The following ADGRL3 variants were observed in gnomAD, a reference collection of about 807,000 sequenced individuals.
ADGRL3 encodes the protein calcium-independent alpha-latrotoxin receptor 3.
ADGRL3 carries 62 observed loss-of-function variants against 153.5 expected under a neutral mutation model. The observed-to-expected ratio is 0.40, with a 90% confidence interval of 0.33 to 0.50. The LOEUF is 0.50. Ranked by LOEUF, ADGRL3 falls within the 20% of genes least tolerant of loss-of-function variation. The pLI is 0.47. For missense variants in ADGRL3, 1,641 were observed against 1,859.4 expected, an observed-to-expected ratio of 0.88 and a Z score of 2.16; for synonymous variants, 710 against 672.5, an observed-to-expected ratio of 1.06 and a Z score of -0.86.
intron 1 of ADGRL3, among the ~76,000 whole-genome samples, chr4:61,291,815 CGAA>C (rs1376037506): frequency 2.0e-5 from 3 of 146,592 alleles, no homozygotes; most frequent in African/African-American, 7.7e-5. Context: ...GTTCTATATG[CGAA>C]GAAGAGTGTA....
chr4:61,829,182 G>A (rs982197913), intron 9 of ADGRL3, among the ~76,000 whole-genome samples: 5 of 152,128 alleles, frequency 3.3e-5, no homozygotes, highest in Admixed American at 1.3e-4. Flanking sequence ...AGCAGTGTGC[G>A]AACACCTTCC....
intron 11 of ADGRL3, among the ~76,000 whole-genome samples, chr4:61,908,835 A>G (rs1022190787): frequency 4.6e-5 from 7 of 152,106 alleles, no homozygotes; most frequent in African/African-American, 1.7e-4. Flanking sequence ...ACCAATTAAT[A>G]TATATTCCTA....
chr4:61,533,764 T>C (rs2098637825), intron 4 of ADGRL3, among the ~76,000 whole-genome samples: 1 of 152,190 alleles, frequency 6.6e-6, no homozygotes, highest in Admixed American at 6.5e-5. Context: ...GTTCTCCTAA[T>C]AAATAACTTA....
At chr4:61,401,361 C>T (rs2096928247) in intron 2 of ADGRL3, among the ~76,000 whole-genome samples, 1 of 151,846 alleles carries the variant, frequency 6.6e-6, no homozygotes, top group African/African-American at 2.4e-5. Flanking sequence ...TTGAAGAACA[C>T]ATTTAGCCCA....
At chr4:62,045,965 C>A (rs10222831) in intron 25 of ADGRL3, among the ~76,000 whole-genome samples, 3,989 of 151,852 alleles carry the variant, frequency 0.026, 185 homozygotes, top group African/African-American at 0.093. Context: ...GTGAAAATTT[C>A]TTTTAATATG....
chr4:61,776,411 T>G (rs1402210317), intron 8 of ADGRL3, among the ~76,000 whole-genome samples: 1 of 152,186 alleles, frequency 6.6e-6, no homozygotes, highest in Non-Finnish European at 1.5e-5. Flanking sequence ...TTATAAAAGT[T>G]TTAAATTTCA....
At chr4:61,347,008 C>T (rs1198395316) in intron 1 of ADGRL3, among the ~76,000 whole-genome samples, 2 of 151,934 alleles carry the variant, frequency 1.3e-5, no homozygotes, top group African/African-American at 2.4e-5. Context: ...GATACCTTTG[C>T]TTAGATGTTA....
At chr4:61,960,742 ACT>A (rs1303477218) in intron 17 of ADGRL3, among the ~76,000 whole-genome samples, 1 of 151,880 alleles carries the variant, frequency 6.6e-6, no homozygotes, top group Non-Finnish European at 1.5e-5. Context: ...ACAGAGTCTG[ACT>A]CTGTCGCCCA....
intron 5 of ADGRL3, among the ~76,000 whole-genome samples, chr4:61,648,716 G>T (rs1334447479): frequency 6.6e-6 from 1 of 151,982 alleles, no homozygotes; most frequent in Non-Finnish European, 1.5e-5. Context: ...AGAAAAATGA[G>T]AGAACTGGCA....
At chr4:61,263,767 T>C (rs938522922) in intron 1 of ADGRL3, among the ~76,000 whole-genome samples, 4 of 152,000 alleles carry the variant, frequency 2.6e-5, no homozygotes, top group Non-Finnish European at 4.4e-5. Context: ...CAGGGAGATA[T>C]AAGTATTGAA....
chr4:61,444,563 A>T (rs1029724413), intron 2 of ADGRL3, among the ~76,000 whole-genome samples: 5 of 151,418 alleles, frequency 3.3e-5, no homozygotes. Flanking sequence ...TCATCCACTT[A>T]AAAAAAAATT....
intron 13 of ADGRL3, among the ~76,000 whole-genome samples, chr4:61,914,537 A>G (rs188563129): frequency 1.3e-5 from 2 of 152,100 alleles, no homozygotes; most frequent in African/African-American, 4.8e-5. Context: ...ATGGTAATAC[A>G]TGGGAGGGGG....
intron 9 of ADGRL3, among the ~76,000 whole-genome samples, chr4:61,851,314 C>A (rs577430695): frequency 6.6e-6 from 1 of 152,160 alleles, no homozygotes; most frequent in East Asian, 1.9e-4. Context: ...TGGCCGGGAG[C>A]AGTGACTCAC....
At chr4:61,246,529 A>T (rs1166069676) in intron 1 of ADGRL3, among the ~76,000 whole-genome samples, 1 of 152,030 alleles carries the variant, frequency 6.6e-6, no homozygotes, top group South Asian at 2.1e-4. Flanking sequence ...TTAAATTTAG[A>T]TGTGTTATTT....
At chr4:61,288,496 A>G (rs937796605) in intron 1 of ADGRL3, among the ~76,000 whole-genome samples, 15 of 151,956 alleles carry the variant, frequency 9.9e-5, no homozygotes, top group Admixed American at 9.9e-4. Flanking sequence ...TCTTGACGTA[A>G]CAACACTCAA....
intron 2 of ADGRL3, among the ~76,000 whole-genome samples, chr4:61,425,818 T>TC (rs1213724578): frequency 6.6e-6 from 1 of 152,136 alleles, no homozygotes; most frequent in Non-Finnish European, 1.5e-5. Flanking sequence ...CAGTAGGCCC[T>TC]CCCCCCTGGG....
intron 21 of ADGRL3, among the ~76,000 whole-genome samples, chr4:61,999,131 C>G (rs986951224): frequency 6.6e-6 from 1 of 152,166 alleles, no homozygotes; most frequent in African/African-American, 2.4e-5. Context: ...AAATATGGCT[C>G]TAAGTTTTAC....
At chr4:61,867,505 AATATATATGCATATATATATAT>A (rs1388525545) in intron 9 of ADGRL3, among the ~76,000 whole-genome samples, 3 of 35,678 alleles carry the variant, frequency 8.4e-5, no homozygotes, top group Non-Finnish European at 2.0e-4. Flanking sequence ...GTCTCAAAAA[AATATATATGCATATATATATAT>A]ATATATATAT....
At chr4:61,845,224 A>G (rs2098101091) in intron 9 of ADGRL3, among the ~76,000 whole-genome samples, 1 of 152,078 alleles carries the variant, frequency 6.6e-6, no homozygotes, top group African/African-American at 2.4e-5. Context: ...TTTGGGGACA[A>G]TCTCTTATAT....
Sources: allele counts gnomAD v4.1 joint callset (sites outside exome capture counted in the v4.1 genomes callset), GRCh38; gene constraint gnomAD v4.1.1; transcripts MANE v1.5; gene names NCBI Gene and HGNC (gene_info 2026-07-23, HGNC 2026-07-21).